PLTP: variants seen among roughly 807,000 people sequenced by gnomAD.
The protein encoded by PLTP is phospholipid transfer protein.
Under a neutral mutation model 54.1 loss-of-function variants are expected in PLTP, and 43 were observed. The observed-to-expected ratio is 0.79, with a 90% CI of 0.62 to 1.02. The LOEUF is 1.02. PLTP is among the 50% of genes least tolerant of loss of function. The pLI is 0.00. For synonymous variants in PLTP, 263 were observed against 264.6 expected (o/e 0.99, Z 0.06); for missense variants, 604 against 645.9 (o/e 0.94, Z 0.70).
rs536094482 is a variant in PLTP at position 45,898,716 on chromosome 20, T to A, written c.*225A>T. ...AAGAATGCCCTTTATGATGCACTGA[T>A]TCCATCCCAGGAACCCAACAGAGCT... On this transcript the variant is annotated 3_prime_UTR_variant, in exon 16 of 16. Transcript: ENST00000372431. The surrounding 1 kb of genome is among the most constrained non-coding windows in gnomAD (Gnocchi z 4.6). 358 of 662,808 alleles carry A rather than the reference T, an allele frequency of 5.4e-4. 1 individual carries two copies. The highest frequency in any genetic ancestry group is 2.5e-3 in the Middle Eastern group (6 of 2,444). The allele number at this position is 662,808 out of a possible 1,614,324, so 41.1% of individuals were successfully genotyped here.
rs1601154395 is a variant in PLTP at position 45,899,946 on chromosome 20, C to T, written c.1176-68G>A. On this transcript the variant is annotated intron_variant, in intron 12 of 15. Transcript: ENST00000372431. ...CTCCCCTTCCTCAGGCCACCCAGGC[C>T]TACCTGCCAGAGGTGTCTGAGTTGC... The T allele has an allele frequency of 2.9e-6, 4 of 1,388,164 alleles. No homozygotes were observed. The African/African-American group carries it at 5.7e-5, about 20-fold the overall frequency. 86.0% of individuals were successfully genotyped at this position (1,388,164 alleles called of 1,614,324 possible).
rs2083245686 is a variant in PLTP, at chr20:45,906,931, TC to T, written c.614-573del. Reference sequence around the variant, plus strand: ...AAAAAAAGATGGCATGAGGTTCCTTTCCCTTGGTTTCTCCTACCTCCTCCTT... The same window carrying T: ...AAAAAAAGATGGCATGAGGTTCCTTTCCTTGGTTTCTCCTACCTCCTCCTT... On this transcript the variant is annotated intron_variant, in intron 7 of 15. Coordinates refer to ENST00000372431, the MANE Select transcript of PLTP (RefSeq NM_006227.4). Among the ~76,000 whole-genome samples, 3 of 123,896 alleles carry T rather than the reference TC, an allele frequency of 2.4e-5. 1 individual carries two copies. The Admixed American group carries it at 2.6e-4, about 11-fold the overall frequency. 81.3% of individuals were successfully genotyped at this position (123,896 alleles called of 152,430 possible). A position where few individuals can be genotyped will look rare whatever the true frequency, so the allele number is the denominator to read the frequency against.
intron 3 of PLTP, 154 bp downstream of exon 3, chr20:45,910,998 T>C: frequency 6.5e-7 from 1 of 1,547,102 alleles, no homozygotes. Flanking sequence ...CCTTTATCTT[T>C]TCGGCCCCAT....
intron 3 of PLTP, among the ~76,000 whole-genome samples, chr20:45,910,418 C>A (rs148773337): frequency 0.02 from 3,110 of 152,152 alleles, 54 homozygotes; most frequent in South Asian, 0.11. Context: ...GAGTTCGAGA[C>A]CAGTCTGGCC....
In PLTP at chr20:45,904,804, A is replaced by C. The variant is rs768240643; in HGVS notation, c.938T>G (p.Leu313Arg). ...LRATYFGSIVLLSPAVIDSPL... is the reference protein window; with the variant it reads ...LRATYFGSIVRLSPAVIDSPL... ...CCTGCCCCCGCCAGCACTCACCAGC[A>C]GGACAATGCTCCCAAAGTAGGTGGC... The change falls in exon 10 of 16, where the codon CTG (leucine) becomes CGG (arginine). Residue 313 changes from leucine (L) to arginine (R), a missense_variant. Transcript: ENST00000372431. The C allele has an allele frequency of 6.2e-7, 1 of 1,614,026 alleles. No homozygotes were observed. Among genetic ancestry groups the C allele is most frequent in the African/African-American group, 1.3e-5 (1 of 74,934 alleles).
chr20:45,904,972 C>G lies in PLTP; in HGVS notation c.852G>C (p.Gly284=), dbSNP rs2083225561. 1 of 1,614,248 alleles carries G rather than the reference C, an allele frequency of 6.2e-7. No individual in the cohort carries two copies. Among genetic ancestry groups the G allele is most frequent in the South Asian group, 1.1e-5 (1 of 91,088 alleles). Residue 284 remains glycine, a synonymous_variant, in exon 9 of 16, where the codon GGG becomes GGC. Transcript: ENST00000372431. ...DSAMESYFRA[G]ALQLLLVGDK... ...CCCCCACCAGCAACAGCTGCAGGGC[C>G]CCCGCCCGGAAGTAGCTCTCCATGG...
chr20:45,910,780 C>T (rs2083282460), intron 3 of PLTP: 3 of 1,124,948 alleles, frequency 2.7e-6, no homozygotes, highest in Non-Finnish European at 3.4e-6. Context: ...CTAAACCATA[C>T]TTAGAGCCTT....
chr20:45,901,916 G>T (rs200265901), intron 12 of PLTP, among the ~76,000 whole-genome samples: 5 of 143,874 alleles, frequency 3.5e-5, no homozygotes, highest in South Asian at 4.4e-4. Flanking sequence ...AAAAAAAAAA[G>T]AATAATAACA....
chr20:45,899,807 G>GAC, intron 13 of PLTP, 29 bp downstream of exon 13: 1 of 1,369,460 alleles, frequency 7.3e-7, no homozygotes, highest in Non-Finnish European at 1.0e-6. Flanking sequence ...CACGAACCCA[G>GAC]CCCAGCCCAC....
Position 45,902,328 on chromosome 20 carries a change from G to C in PLTP, c.1114C>G (p.Arg372Gly). 6.2e-7 allele frequency: 1 copy of C among 1,614,156 alleles called. No individual in the cohort carries two copies. Reference protein sequence around the residue: ...VQLSSMTMDARLSAKMALRGK... With the variant: ...VQLSSMTMDAGLSAKMALRGK... ...CGGAGAGCCATCTTGGCGCTGAGAC[G>C]GGCGTCCTGCAGGAACATGGGGAGG... Residue 372 changes from arginine (R) to glycine (G), a missense_variant, in exon 12 of 16, where the codon CGT becomes GGT. Arg to Gly is a moderately radical substitution (Grantham distance 125). Coordinates refer to ENST00000372431, the MANE Select transcript of PLTP (RefSeq NM_006227.4).
In PLTP at chr20:45,909,638, C is replaced by G; in HGVS notation, c.363G>C (p.Glu121Asp). ...YDGGYINASA[E>D]GVSIRTGLEL... ...CCAGACCAGTGCGGATGGACACACC[C>G]TCAGCTGAGGCGTTGATGTAGCCCC... is the stretch of plus-strand genomic sequence containing the variant. Residue 121 changes from glutamate (E) to aspartate (D), a missense_variant, in exon 5 of 16, where the codon GAG becomes GAC. By Grantham distance (45) the Glu-to-Asp change is conservative. Transcript: ENST00000372431. 6.2e-7 allele frequency: 1 copy of G among 1,614,184 alleles called. No homozygotes were observed.
chr20:45,904,695 G>A, intron 10 of PLTP, 105 bp downstream of exon 10: 1 of 1,035,242 alleles, frequency 9.7e-7, no homozygotes, highest in Non-Finnish European at 1.5e-6. Flanking sequence ...ACAGACAAGA[G>A]GCCAGGGCCC....
intron 8 of PLTP, 46 bp from the exon 9 acceptor site, chr20:45,905,164 C>T (rs1314408689): frequency 6.4e-7 from 1 of 1,569,446 alleles, no homozygotes; most frequent in Non-Finnish European, 8.8e-7. Flanking sequence ...ACTGGCCTGG[C>T]ACCTGGACTG....
intron 12 of PLTP, 104 bp from the exon 13 acceptor site, chr20:45,899,982 G>A (rs1339406519): frequency 4.3e-6 from 4 of 926,374 alleles, no homozygotes; most frequent in Non-Finnish European, 5.2e-6. Flanking sequence ...AGGCTCAGAT[G>A]CCCACCTAGG....
At chr20:45,904,727 G>A in intron 10 of PLTP, 73 bp downstream of exon 10, 2 of 1,494,162 alleles carry the variant, frequency 1.3e-6, no homozygotes, top group Non-Finnish European at 1.9e-6. Flanking sequence ...CTGCCACTGG[G>A]GGCCCCACCT....
At chr20:45,910,732 C>A (rs1176530607) in intron 3 of PLTP, 2 of 746,854 alleles carry the variant, frequency 2.7e-6, no homozygotes, top group Non-Finnish European at 3.6e-6. Flanking sequence ...ACCTAAGCTC[C>A]GTCTCACATC....
chr20:45,910,904 A>G (rs2083283611), intron 3 of PLTP: 5 of 1,397,844 alleles, frequency 3.6e-6, no homozygotes, highest in South Asian at 1.5e-5. Flanking sequence ...CCTCACATCC[A>G]CTGGTCCTGC....
intron 3 of PLTP, chr20:45,910,901 T>C (rs773998914): frequency 1.3e-4 from 178 of 1,391,680 alleles, no homozygotes; most frequent in Non-Finnish European, 5.4e-5. Context: ...ACGCCTCACA[T>C]CCACTGGTCC....
At chr20:45,911,034 G>T in intron 3 of PLTP, 118 bp downstream of exon 3, 4 of 1,604,268 alleles carry the variant, frequency 2.5e-6, no homozygotes, top group Non-Finnish European at 3.4e-6. Flanking sequence ...TTGCCTCATC[G>T]ATTTGGCCAC....
Sources: allele counts gnomAD v4.1 joint callset (sites outside exome capture counted in the v4.1 genomes callset), GRCh38; gene constraint gnomAD v4.1.1; non-coding constraint Gnocchi (gnomAD v3.1); transcripts MANE v1.5; gene names NCBI Gene and HGNC (gene_info 2026-07-23, HGNC 2026-07-21).